Variants in SNTB2 observed in about 807,000 individuals in gnomAD.
SNTB2 encodes the protein beta-2-syntrophin.
Under a neutral mutation model 46.2 loss-of-function variants are expected in SNTB2, and 34 were observed. The ratio of observed to expected loss-of-function variants is 0.74; its 90% CI spans 0.56 to 0.98. SNTB2 has a LOEUF of 0.98. SNTB2 is among the 50% of genes least tolerant of loss of function. The pLI, the probability that SNTB2 is intolerant of heterozygous loss-of-function variation, is 0.00. For missense variants in SNTB2, 603 were observed against 731.4 expected (o/e 0.82, Z 2.02); for synonymous variants, 290 against 312.6 (o/e 0.93, Z 0.76).
intron 5 of SNTB2, among the ~76,000 whole-genome samples, chr16:69,288,528 A>T (rs1011981492): frequency 2.0e-5 from 3 of 152,228 alleles, no homozygotes; most frequent in Admixed American, 6.5e-5. Flanking sequence ...TATTCAAAAG[A>T]CAAAAAATAA....
intron 1 of SNTB2, among the ~76,000 whole-genome samples, chr16:69,224,401 C>T (rs184637112): frequency 8.6e-5 from 13 of 151,964 alleles, no homozygotes; most frequent in East Asian, 5.8e-4. Flanking sequence ...TTAGTAGAGA[C>T]GGGGTTTCAC....
chr16:69,283,984 A>G, intron 4 of SNTB2, 64 bp from the exon 5 acceptor site: 1 of 1,451,594 alleles, frequency 6.9e-7, no homozygotes, highest in Non-Finnish European at 9.3e-7. Flanking sequence ...AATGAGCACA[A>G]ATTCCTGACA....
intron 4 of SNTB2, among the ~76,000 whole-genome samples, chr16:69,273,078 A>C (rs1964953612): frequency 6.6e-6 from 1 of 152,160 alleles, no homozygotes; most frequent in Non-Finnish European, 1.5e-5. Context: ...AAAGACAGAT[A>C]AAATAAAAAG....
intron 2 of SNTB2, among the ~76,000 whole-genome samples, chr16:69,247,027 A>G (rs887448405): frequency 1.3e-5 from 2 of 150,262 alleles, no homozygotes; most frequent in African/African-American, 4.9e-5. Context: ...GTGCACATGT[A>G]CCCTAAAACT....
chr16:69,197,658 A>G (rs900722452), intron 1 of SNTB2, among the ~76,000 whole-genome samples: 3 of 152,250 alleles, frequency 2.0e-5, no homozygotes, highest in Non-Finnish European at 2.9e-5. Flanking sequence ...TTAACAAAGT[A>G]GCATTCTCCA....
In SNTB2 at chr16:69,301,938, A is replaced by G. The variant is rs1965279821; in HGVS notation, c.*1014A>G. The G allele has an allele frequency of 6.6e-6, 1 of 152,434 alleles. No homozygotes were observed. Among genetic ancestry groups the G allele is most frequent in the African/African-American group, 2.4e-5 (1 of 41,442 alleles). 9.4% of individuals were successfully genotyped at this position (152,434 alleles called of 1,614,324 possible). On this transcript the variant is annotated 3_prime_UTR_variant, in exon 7 of 7. Coordinates refer to ENST00000336278, the MANE Select transcript of SNTB2 (RefSeq NM_006750.4). The stretch of plus-strand genomic sequence containing the variant: ...TAGTAGGCAGATCTGTTTGAACAAG[A>G]TAAATCCTAAAGAGCCAGCCTGCTT...
intron 1 of SNTB2, chr16:69,240,427 A>G (rs760710452): frequency 2.6e-5 from 4 of 152,222 alleles, no homozygotes; most frequent in Non-Finnish European, 4.4e-5. Flanking sequence ...AAAGCAAAGC[A>G]ATTCCTTCCT....
chr16:69,222,225 T>C (rs1183294144), intron 1 of SNTB2, among the ~76,000 whole-genome samples: 1 of 152,188 alleles, frequency 6.6e-6, no homozygotes, highest in Non-Finnish European at 1.5e-5. Context: ...ATAAAAAATA[T>C]CAACTGTAAA....
chr16:69,258,297 CATTT>C (rs1366241715), intron 2 of SNTB2, among the ~76,000 whole-genome samples: 2 of 151,952 alleles, frequency 1.3e-5, no homozygotes, highest in Non-Finnish European at 2.9e-5. Flanking sequence ...ATATCTTAGT[CATTT>C]ATTTATTTAT....
intron 1 of SNTB2, among the ~76,000 whole-genome samples, chr16:69,237,583 T>C (rs953366228): frequency 1.8e-4 from 26 of 144,804 alleles, no homozygotes; most frequent in African/African-American, 6.0e-4. Flanking sequence ...ATTTCTTTTT[T>C]TTTCTTTCTT....
In SNTB2 at chr16:69,260,040, T is replaced by G; in HGVS notation, c.795-10T>G. The G allele has an allele frequency of 6.2e-7, 1 of 1,612,394 alleles. No individual in the cohort carries two copies. Among genetic ancestry groups the G allele is most frequent in the Non-Finnish European group, 8.5e-7 (1 of 1,178,478 alleles). On this transcript the variant is annotated splice_polypyrimidine_tract_variant and intron_variant, in intron 2 of 6. Coordinates refer to ENST00000336278, the MANE Select transcript of SNTB2 (RefSeq NM_006750.4). ...CTAGCTCACTTTTTTTTTTTTCTTT[T>G]TCCACACAGATTGATAGAGCTACAT... is the stretch of plus-strand genomic sequence containing the variant.
intron 1 of SNTB2, among the ~76,000 whole-genome samples, chr16:69,235,075 A>G (rs1199018566): frequency 6.6e-6 from 1 of 151,184 alleles, no homozygotes; most frequent in East Asian, 1.9e-4. Flanking sequence ...GTGTGGTGCA[A>G]TTTTGGCTCA....
chr16:69,202,208 A>T (rs908930338), intron 1 of SNTB2, among the ~76,000 whole-genome samples: 4 of 152,132 alleles, frequency 2.6e-5, no homozygotes, highest in African/African-American at 7.2e-5. Flanking sequence ...TCTGACTTGG[A>T]GGCTTTCTCA....
intron 5 of SNTB2, among the ~76,000 whole-genome samples, chr16:69,290,471 G>A (rs1022692343): frequency 6.6e-6 from 1 of 152,010 alleles, no homozygotes; most frequent in Non-Finnish European, 1.5e-5. Flanking sequence ...AGAAAATCTA[G>A]GAGAAGAGAA....
At position 69,299,549 on chromosome 16, in the gene SNTB2, T is replaced by C. The variant is rs1597206307; in HGVS notation, c.1346-41T>C. 8 of 1,591,472 alleles carry C rather than the reference T, an allele frequency of 5.0e-6. No individual in the cohort carries two copies. In the East Asian group the frequency reaches 1.8e-4, roughly 36 times the overall value. On this transcript the variant is annotated intron_variant, in intron 5 of 6. Coordinates refer to ENST00000336278, the MANE Select transcript of SNTB2 (RefSeq NM_006750.4). ...TTCCCTTTTCACTTGATAACTGACATAGCAACTTTACAACTAATGTTTTTT... is the reference window on the plus strand; with the variant it reads ...TTCCCTTTTCACTTGATAACTGACACAGCAACTTTACAACTAATGTTTTTT...
chr16:69,198,331 A>G (rs1053435896), intron 1 of SNTB2, among the ~76,000 whole-genome samples: 1 of 151,758 alleles, frequency 6.6e-6, no homozygotes, highest in Admixed American at 6.6e-5. Context: ...CTGGTCTTGA[A>G]CTCTTGAGCT....
chr16:69,197,704 A>G (rs113159523), intron 1 of SNTB2, among the ~76,000 whole-genome samples: 60 of 152,310 alleles, frequency 3.9e-4, no homozygotes, highest in Non-Finnish European at 7.5e-4. Flanking sequence ...TCTTTGCCCA[A>G]ATGAAACAAA....
intron 1 of SNTB2, among the ~76,000 whole-genome samples, chr16:69,210,764 G>A (rs1250778531): frequency 6.6e-6 from 1 of 152,146 alleles, no homozygotes. Flanking sequence ...AGGCTGAGGT[G>A]GGCGGATCCC....
rs114489530 is a variant in SNTB2, at chr16:69,293,415, G to A, written c.1346-6175G>A. Among the ~76,000 whole-genome samples, 243 of 152,314 alleles carry A rather than the reference G, an allele frequency of 1.6e-3. 1 individual carries two copies. Among genetic ancestry groups the A allele is most frequent in the African/African-American group, 5.5e-3 (230 of 41,564 alleles). On this transcript the variant is annotated intron_variant, in intron 5 of 6. Coordinates refer to ENST00000336278, the MANE Select transcript of SNTB2 (RefSeq NM_006750.4). ...AGACAGCCAACAATTAGTACTACAAGTGCCAAGTAGGATGAGGCTGAAAAA... is the reference window on the plus strand; with the variant it reads ...AGACAGCCAACAATTAGTACTACAAATGCCAAGTAGGATGAGGCTGAAAAA...
Sources: allele counts gnomAD v4.1 joint callset (sites outside exome capture counted in the v4.1 genomes callset), GRCh38; gene constraint gnomAD v4.1.1; transcripts MANE v1.5; gene names NCBI Gene and HGNC (gene_info 2026-07-23, HGNC 2026-07-21).